Variants in MMP16 observed in about 807,000 individuals in gnomAD.
The protein encoded by MMP16 is matrix metalloproteinase-16.
Under a neutral mutation model 67.8 loss-of-function variants are expected in MMP16, and 12 were observed. The observed-to-expected ratio is 0.18, with a 90% CI of 0.11 to 0.29. MMP16 has a LOEUF of 0.29. Among genes scored for constraint, MMP16 ranks in the 10% least tolerant of loss-of-function variants. The pLI is 1.00. For missense variants in MMP16, 475 were observed against 765.7 expected, an observed-to-expected ratio of 0.62 and a Z score of 4.48; for synonymous variants, 249 against 255.9, an observed-to-expected ratio of 0.97 and a Z score of 0.26.
intron 6 of MMP16, among the ~76,000 whole-genome samples, chr8:88,090,199 G>C (rs145858530): frequency 3.9e-5 from 6 of 151,978 alleles, no homozygotes; most frequent in South Asian, 2.1e-4. Flanking sequence ...GTGGGGTTGA[G>C]AAAGAAGTTA....
intron 1 of MMP16, among the ~76,000 whole-genome samples, chr8:88,213,313 C>G (rs1050551548): frequency 1.3e-5 from 2 of 152,040 alleles, no homozygotes; most frequent in African/African-American, 4.8e-5. Context: ...ATGGGTCAAC[C>G]TTGTCATCAC....
chr8:88,114,599 G>C (rs1809397655), intron 6 of MMP16, among the ~76,000 whole-genome samples: 1 of 151,940 alleles, frequency 6.6e-6, no homozygotes, highest in Non-Finnish European at 1.5e-5. Context: ...CAAAAAGTAT[G>C]AAATTATGTG....
At chr8:88,154,659 T>C (rs1808475874) in intron 4 of MMP16, among the ~76,000 whole-genome samples, 2 of 149,944 alleles carry the variant, frequency 1.3e-5, no homozygotes, top group South Asian at 4.3e-4. Flanking sequence ...TAGGTGGGAA[T>C]TGAACAATGA....
At chr8:88,321,985 T>C (rs1027913121) in intron 1 of MMP16, among the ~76,000 whole-genome samples, 2 of 152,320 alleles carry the variant, frequency 1.3e-5, no homozygotes, top group African/African-American at 4.8e-5. Flanking sequence ...TATTTTTTAC[T>C]ATTGTAGAAA....
At chr8:88,160,003 G>T (rs957693512) in intron 4 of MMP16, among the ~76,000 whole-genome samples, 4 of 151,068 alleles carry the variant, frequency 2.6e-5, no homozygotes, top group African/African-American at 9.7e-5. Context: ...TAAATTTTAG[G>T]GTACATGTGC....
At chr8:88,166,688 CATATAT>C (rs1166566212) in intron 4 of MMP16, among the ~76,000 whole-genome samples, 5,600 of 58,266 alleles carry the variant, frequency 0.096, 256 homozygotes, top group Admixed American at 0.16. Flanking sequence ...CAAAAAATTA[CATATAT>C]ATATATATAT....
intron 4 of MMP16, among the ~76,000 whole-genome samples, chr8:88,166,032 GTTAT>G (rs1428973941): frequency 2.6e-5 from 4 of 151,992 alleles, no homozygotes; most frequent in African/African-American, 9.7e-5. Context: ...AACATGAACA[GTTAT>G]TTATTATATT....
chr8:88,103,615 T>A (rs1395074557), intron 6 of MMP16, among the ~76,000 whole-genome samples: 1 of 151,786 alleles, frequency 6.6e-6, no homozygotes, highest in African/African-American at 2.4e-5. Flanking sequence ...TTCCTTGAGA[T>A]CTGTTTTGTC....
chr8:88,160,400 T>C (rs938267716), intron 4 of MMP16, among the ~76,000 whole-genome samples: 7 of 151,952 alleles, frequency 4.6e-5, no homozygotes, highest in Non-Finnish European at 1.0e-4. Context: ...GTTCCAAGTC[T>C]TTGCTATTGT....
At chr8:88,211,498 T>G (rs1340412350) in intron 1 of MMP16, among the ~76,000 whole-genome samples, 3 of 152,066 alleles carry the variant, frequency 2.0e-5, no homozygotes, top group Non-Finnish European at 4.4e-5. Flanking sequence ...TTTGTATGAG[T>G]ATACAAGTGT....
chr8:88,153,614 G>C (rs1414211660), intron 4 of MMP16, among the ~76,000 whole-genome samples: 1 of 151,578 alleles, frequency 6.6e-6, no homozygotes. Context: ...AAGCAATGGG[G>C]AAAGGATTCC....
chr8:88,105,485 A>T (rs544940696), intron 6 of MMP16, among the ~76,000 whole-genome samples: 1 of 151,622 alleles, frequency 6.6e-6, no homozygotes, highest in South Asian at 2.1e-4. Flanking sequence ...AGACATGTAA[A>T]CAAACACAAT....
intron 1 of MMP16, among the ~76,000 whole-genome samples, chr8:88,254,007 A>G (rs1010374949): frequency 4.6e-5 from 7 of 152,270 alleles, no homozygotes; most frequent in Admixed American, 1.3e-4. Flanking sequence ...AGACACACGT[A>G]TATGTATGTT....
At chr8:88,218,050 A>C (rs1300794167) in intron 1 of MMP16, among the ~76,000 whole-genome samples, 1 of 151,970 alleles carries the variant, frequency 6.6e-6, no homozygotes, top group Non-Finnish European at 1.5e-5. Context: ...CTGGTCCACT[A>C]TATTAGGCAA....
At chr8:88,224,949 GT>G (rs1809746569) in intron 1 of MMP16, among the ~76,000 whole-genome samples, 1 of 151,904 alleles carries the variant, frequency 6.6e-6, no homozygotes, top group Admixed American at 6.6e-5. Flanking sequence ...ATTTGAGAGA[GT>G]TTTTGGCCTA....
At position 88,327,399 on chromosome 8, in the gene MMP16, C is replaced by T; in HGVS notation, c.-193G>A. On this transcript the variant is annotated 5_prime_UTR_variant, in exon 1 of 10. Coordinates refer to ENST00000286614, the MANE Select transcript of MMP16 (RefSeq NM_005941.5). Reference sequence around the variant, plus strand: ...AGCCCCCGAGAGGCAGCGGCGAAGACAGGGTCAGCAGTAGTTCCTGTTCAC... The same window carrying T: ...AGCCCCCGAGAGGCAGCGGCGAAGATAGGGTCAGCAGTAGTTCCTGTTCAC... The T allele has an allele frequency of 1.7e-6, 1 of 580,350 alleles. No individual in the cohort carries two copies. Among genetic ancestry groups the T allele is most frequent in the East Asian group, 3.1e-5 (1 of 32,112 alleles). 36.0% of individuals were successfully genotyped at this position (580,350 alleles called of 1,614,324 possible).
chr8:88,186,544 T>A lies in MMP16; in HGVS notation c.336A>T (p.Lys112Asn). The A allele has an allele frequency of 6.2e-7, 1 of 1,606,612 alleles. No homozygotes were observed. Among genetic ancestry groups the A allele is most frequent in the Non-Finnish European group, 8.5e-7 (1 of 1,178,558 alleles). The change falls in exon 3 of 10, where the codon AAA (lysine) becomes AAT (asparagine). Residue 112 changes from lysine to asparagine, a missense_variant. Physicochemically the swap from Lys to Asn is moderately conservative, Grantham distance 94. This residue lies in a region of MMP16 where 170 missense variants were observed against 239.6 expected (regional missense o/e 0.71). Coordinates refer to ENST00000286614, the MANE Select transcript of MMP16 (RefSeq NM_005941.5). ...GVPDQTRGSS[K>N]FHIRRKRYAL... ...CATATCGCTTTCGACGAATATGAAA[T>A]TTGGAGCTACCTCTTGTCTGGTCAG...
intron 1 of MMP16, among the ~76,000 whole-genome samples, chr8:88,252,670 T>C (rs1810245225): frequency 6.6e-6 from 1 of 150,914 alleles, no homozygotes; most frequent in Admixed American, 6.6e-5. Flanking sequence ...AGGAAAGAAA[T>C]TTAACCAAAT....
intron 1 of MMP16, among the ~76,000 whole-genome samples, chr8:88,292,262 T>A (rs1810937418): frequency 6.6e-6 from 1 of 152,232 alleles, no homozygotes; most frequent in African/African-American, 2.4e-5. Flanking sequence ...CTTTTTATAT[T>A]AGTTCACAGT....
Sources: gnomAD v4.1 joint callset for allele counts (sites outside exome capture counted in the v4.1 genomes callset) on GRCh38, gnomAD v4.1.1 for gene constraint, gnomAD v4.1.1 regional missense constraint, MANE v1.5 for transcripts, NCBI Gene and HGNC (gene_info 2026-07-23, HGNC 2026-07-21) for gene names.